Variants in SHLD1 observed in about 807,000 individuals in gnomAD.
SHLD1 encodes shieldin complex subunit 1.
Under a neutral mutation model 5.5 loss-of-function variants are expected in SHLD1, and 3 were observed. That is an observed-to-expected ratio of 0.54 (90% CI 0.25 to 1.40). The LOEUF (loss-of-function observed/expected upper bound fraction) is 1.40. SHLD1 is among the 40% of genes most tolerant of loss of function. The pLI, the probability that SHLD1 is intolerant of heterozygous loss-of-function variation, is 0.15. For missense variants in SHLD1, 210 were observed against 244.4 expected (o/e 0.86, Z 0.94); for synonymous variants, 92 against 94.3 (o/e 0.98, Z 0.14).
At chr20:5,802,968 C>A (rs2087317309) in intron 2 of SHLD1, among the ~76,000 whole-genome samples, 1 of 152,176 alleles carries the variant, frequency 6.6e-6, no homozygotes, top group Non-Finnish European at 1.5e-5. Flanking sequence ...AAATGGGTTC[C>A]ATTTTGCTCT....
intron 2 of SHLD1, among the ~76,000 whole-genome samples, chr20:5,832,589 C>T (rs774780762): frequency 3.9e-5 from 6 of 152,046 alleles, no homozygotes. Flanking sequence ...AGGCATGTGT[C>T]ATCACACCCA....
intron 2 of SHLD1, among the ~76,000 whole-genome samples, chr20:5,852,415 C>CCCTTCCTTCCTTCCTTCCTTCCTTCCTT (rs71334360): frequency 7.3e-4 from 109 of 150,100 alleles, no homozygotes; most frequent in African/African-American, 2.7e-3. Flanking sequence ...TCCTTTCCCT[C>CCCTTCCTTCCTTCCTTCCTTCCTTCCTT]CCTTCCTTCC....
chr20:5,756,832 C>A, intron 1 of SHLD1: 3 of 251,446 alleles, frequency 1.2e-5, no homozygotes, highest in South Asian at 3.7e-5. Flanking sequence ...CCACATCTGG[C>A]CTAGGATTTT....
intron 2 of SHLD1, among the ~76,000 whole-genome samples, chr20:5,808,644 C>T (rs1316572371): frequency 6.6e-6 from 1 of 152,130 alleles, no homozygotes; most frequent in Non-Finnish European, 1.5e-5. Flanking sequence ...TTTAGATTGA[C>T]CCATGTTTTT....
intron 1 of SHLD1, among the ~76,000 whole-genome samples, chr20:5,766,623 T>C (rs1440390576): frequency 1.3e-5 from 2 of 152,180 alleles, no homozygotes; most frequent in Non-Finnish European, 2.9e-5. Context: ...AAGAGGGTAC[T>C]GATAGGATTA....
chr20:5,849,888 A>G (rs1425623633), intron 2 of SHLD1, among the ~76,000 whole-genome samples: 5 of 146,156 alleles, frequency 3.4e-5, no homozygotes, highest in African/African-American at 5.1e-5. Context: ...GAACCCGGGA[A>G]GCGGAGCTTG....
chr20:5,752,269 G>A (rs6107686), intron 1 of SHLD1, among the ~76,000 whole-genome samples: 12,968 of 152,012 alleles, frequency 0.085, 1,096 homozygotes, highest in African/African-American at 0.22. Context: ...GGTGGCGTGC[G>A]CCTGTAATCC....
intron 2 of SHLD1, among the ~76,000 whole-genome samples, chr20:5,833,159 C>A (rs900787222): frequency 6.6e-6 from 1 of 152,192 alleles, no homozygotes; most frequent in African/African-American, 2.4e-5. Context: ...AAAATAGACT[C>A]CTCGGCTTCT....
intron 2 of SHLD1, among the ~76,000 whole-genome samples, chr20:5,781,731 G>T (rs1221353951): frequency 6.6e-6 from 1 of 152,084 alleles, no homozygotes; most frequent in Non-Finnish European, 1.5e-5. Flanking sequence ...CGTCCACCTT[G>T]GCCTCCCGAA....
chr20:5,819,850 G>A (rs1238230054), intron 2 of SHLD1, among the ~76,000 whole-genome samples: 1 of 152,110 alleles, frequency 6.6e-6, no homozygotes, highest in Non-Finnish European at 1.5e-5. Flanking sequence ...AAATCATCAT[G>A]TAACTTGCTA....
intron 2 of SHLD1, among the ~76,000 whole-genome samples, chr20:5,858,679 C>CA (rs1304041503): frequency 6.6e-6 from 1 of 152,054 alleles, no homozygotes; most frequent in African/African-American, 2.4e-5. Context: ...ACCAAAAATA[C>CA]AAAAAATTAG....
At chr20:5,756,733 C>T in intron 1 of SHLD1, 1 of 216,388 alleles carries the variant, frequency 4.6e-6, no homozygotes. Context: ...CTCTTGTAGC[C>T]CAAGCTGGAG....
At chr20:5,825,412 T>C (rs2087654532) in intron 2 of SHLD1, among the ~76,000 whole-genome samples, 1 of 152,230 alleles carries the variant, frequency 6.6e-6, no homozygotes. Context: ...CTAGCACATT[T>C]AACAGCCCGC....
At chr20:5,767,192 T>C (rs1984884296) in intron 1 of SHLD1, among the ~76,000 whole-genome samples, 1 of 152,168 alleles carries the variant, frequency 6.6e-6, no homozygotes, top group South Asian at 2.1e-4. Context: ...TGGAGTGCAG[T>C]GGCACAATCT....
At chr20:5,834,556 T>C (rs1031361477) in intron 2 of SHLD1, among the ~76,000 whole-genome samples, 7 of 152,134 alleles carry the variant, frequency 4.6e-5, no homozygotes, top group Non-Finnish European at 8.8e-5. Context: ...GTAATGGTAA[T>C]GAAAACAGTA....
chr20:5,782,970 T>C (rs561594327), intron 2 of SHLD1, among the ~76,000 whole-genome samples: 3 of 152,330 alleles, frequency 2.0e-5, no homozygotes, highest in Admixed American at 1.3e-4. Flanking sequence ...AAAGACATTT[T>C]ATAGTTGCAT....
At chr20:5,761,831 C>T (rs1295262678) in intron 1 of SHLD1, among the ~76,000 whole-genome samples, 1 of 151,894 alleles carries the variant, frequency 6.6e-6, no homozygotes, top group Non-Finnish European at 1.5e-5. Context: ...TGCTCTCGAA[C>T]TACTGACCTC....
chr20:5,839,517 AT>A (rs2087831514), intron 2 of SHLD1, among the ~76,000 whole-genome samples: 1 of 152,142 alleles, frequency 6.6e-6, no homozygotes, highest in Non-Finnish European at 1.5e-5. Flanking sequence ...AGATAGATAG[AT>A]AGATAGATGA....
At chr20:5,816,089 GAAAAAAA>G (rs141881349) in intron 2 of SHLD1, among the ~76,000 whole-genome samples, 3 of 86,308 alleles carry the variant, frequency 3.5e-5, no homozygotes, top group Non-Finnish European at 6.1e-5. Flanking sequence ...TCAAAAAAAC[GAAAAAAA>G]AAAAAAAAAA....
Sources: allele counts gnomAD v4.1 joint callset (sites outside exome capture counted in the v4.1 genomes callset), GRCh38; gene constraint gnomAD v4.1.1; transcripts MANE v1.5; gene names NCBI Gene and HGNC (gene_info 2026-07-23, HGNC 2026-07-21).